Variants in C1QTNF3 observed in about 807,000 individuals in gnomAD.
C1QTNF3 encodes C1q and TNF related 3, also known as complement C1q tumor necrosis factor-related protein 3.
A neutral mutation model predicts 32.6 loss-of-function variants in C1QTNF3; 26 were observed. The observed-to-expected ratio is 0.80, with a 90% CI of 0.58 to 1.11. The LOEUF is 1.11. Ranked by LOEUF, C1QTNF3 falls within the 50% of genes least tolerant of loss-of-function variation. The pLI is 0.00. For synonymous variants in C1QTNF3, 155 were observed against 146.0 expected, an observed-to-expected ratio of 1.06 and a Z score of -0.44; for missense variants, 362 against 398.2, an observed-to-expected ratio of 0.91 and a Z score of 0.77.
chr5:34,169,054 A>ACAG, the C1QTNF3 span: 1 of 152,126 alleles, frequency 6.6e-6, no homozygotes, highest in Non-Finnish European at 1.5e-5. Context: ...ATGAGAAGAT[A>ACAG]CAGTATTTCT....
At chr5:34,126,713 GAATA>G in the C1QTNF3 span, among the ~76,000 whole-genome samples, 417 of 150,524 alleles carry the variant, frequency 2.8e-3, 1 homozygote, top group African/African-American at 9.5e-3. Context: ...AGAGATGAAT[GAATA>G]AAGAAAAGGT....
the C1QTNF3 span, among the ~76,000 whole-genome samples, chr5:34,177,552 T>C: frequency 7.6e-6 from 1 of 131,236 alleles, no homozygotes; most frequent in Admixed American, 8.8e-5. Flanking sequence ...AGTGGCACAA[T>C]CTCGGCTCAC....
chr5:34,223,733 C>G, the C1QTNF3 span, among the ~76,000 whole-genome samples: 1 of 152,204 alleles, frequency 6.6e-6, no homozygotes, highest in African/African-American at 2.4e-5. Flanking sequence ...GAGATGGTAT[C>G]TCATTGTGGT....
chr5:34,107,418 G>A, the C1QTNF3 span, among the ~76,000 whole-genome samples: 1 of 151,320 alleles, frequency 6.6e-6, no homozygotes, highest in South Asian at 2.1e-4. Context: ...AAGCCCCCAT[G>A]ATAACTATCT....
Position 34,033,449 on chromosome 5 carries a change from C to T in C1QTNF3, c.425G>A (p.Gly142Glu), listed in dbSNP as rs1255813346. The T allele has an allele frequency of 6.2e-7, 1 of 1,614,182 alleles. No individual in the cohort carries two copies. Among genetic ancestry groups the T allele is most frequent in the Admixed American group, 1.7e-5 (1 of 60,022 alleles). The change falls in exon 3 of 6, where the codon GGA becomes GAA. Residue 142 changes from glycine to glutamate, a missense_variant. Transcript: ENST00000382065. ...PGPPGIPGNH[G>E]NNGNNGATGH... ...AGTGGCTCCATTGTTGCCATTGTTT[C>T]CATGGTTTCCTTAAACAACCAGACA...
At chr5:34,208,542 C>T in the C1QTNF3 span, among the ~76,000 whole-genome samples, 6 of 151,840 alleles carry the variant, frequency 4.0e-5, no homozygotes, top group South Asian at 1.2e-3. Context: ...AAATGTCCAC[C>T]GGATGGGAAG....
intron 1 of C1QTNF3, among the ~76,000 whole-genome samples, chr5:34,038,718 T>C (rs914908282): frequency 1.3e-5 from 2 of 152,160 alleles, no homozygotes; most frequent in Non-Finnish European, 2.9e-5. Context: ...TTTTTTCTAT[T>C]TCCTGAGGGA....
At chr5:34,206,173 T>A in the C1QTNF3 span, among the ~76,000 whole-genome samples, 1 of 150,054 alleles carries the variant, frequency 6.7e-6, no homozygotes, top group South Asian at 2.1e-4. Flanking sequence ...ATAAAAGAGG[T>A]AAATCTCCTC....
the C1QTNF3 span, among the ~76,000 whole-genome samples, chr5:34,213,777 G>A: frequency 5.7e-4 from 15 of 26,522 alleles, no homozygotes; most frequent in Non-Finnish European, 9.6e-4. Context: ...ACACATACGT[G>A]TATATATACA....
chr5:34,135,343 A>G, the C1QTNF3 span, among the ~76,000 whole-genome samples: 1 of 152,064 alleles, frequency 6.6e-6, no homozygotes. Flanking sequence ...GGATTTTCGC[A>G]TTGATGTTCA....
At chr5:34,108,903 T>TA in the C1QTNF3 span, among the ~76,000 whole-genome samples, 1 of 148,624 alleles carries the variant, frequency 6.7e-6, no homozygotes, top group African/African-American at 2.5e-5. Flanking sequence ...AGTGGCTTCC[T>TA]AAAGATGTTT....
At chr5:34,211,731 T>C in the C1QTNF3 span, among the ~76,000 whole-genome samples, 1 of 152,046 alleles carries the variant, frequency 6.6e-6, no homozygotes, top group Admixed American at 6.6e-5. Context: ...TCATCATTTT[T>C]TATGGCTGCA....
At chr5:34,213,593 T>C in the C1QTNF3 span, among the ~76,000 whole-genome samples, 1 of 150,122 alleles carries the variant, frequency 6.7e-6, no homozygotes, top group African/African-American at 2.5e-5. Flanking sequence ...ACCTGCAAGA[T>C]GCATTAGAAT....
At chr5:34,104,739 C>T in the C1QTNF3 span, among the ~76,000 whole-genome samples, 11 of 137,032 alleles carry the variant, frequency 8.0e-5, no homozygotes, top group Admixed American at 4.5e-4. Context: ...GATTTCACCA[C>T]GTTGCCAGGC....
chr5:34,221,883 C>T, the C1QTNF3 span, among the ~76,000 whole-genome samples: 1 of 151,950 alleles, frequency 6.6e-6, no homozygotes, highest in Non-Finnish European at 1.5e-5. Flanking sequence ...ACCAAGCAGC[C>T]GGTCATTTTT....
the C1QTNF3 span, among the ~76,000 whole-genome samples, chr5:34,123,620 T>C: frequency 2.0e-5 from 2 of 98,006 alleles, no homozygotes; most frequent in African/African-American, 3.4e-5. Context: ...AGAACAGATA[T>C]GCTTTTTTTT....
At chr5:34,045,628 A>G (rs1026959233), upstream of C1QTNF3, among the ~76,000 whole-genome samples, 7 of 152,288 alleles carry the variant, frequency 4.6e-5, no homozygotes, top group African/African-American at 1.7e-4. Flanking sequence ...GTCTTGTGTT[A>G]TGCAGCTGGA....
the C1QTNF3 span, among the ~76,000 whole-genome samples, chr5:34,108,411 T>C: frequency 6.6e-6 from 1 of 152,144 alleles, no homozygotes; most frequent in Non-Finnish European, 1.5e-5. Context: ...GTGCTGAAAA[T>C]CCAAGTCCAC....
chr5:34,146,561 T>C, the C1QTNF3 span, among the ~76,000 whole-genome samples: 30 of 152,186 alleles, frequency 2.0e-4, no homozygotes, highest in Non-Finnish European at 3.4e-4. Context: ...TAATAAGCAA[T>C]TGGGATAGGA....
Sources: gnomAD v4.1 joint callset for allele counts (sites outside exome capture counted in the v4.1 genomes callset) on GRCh38, gnomAD v4.1.1 for gene constraint, MANE v1.5 for transcripts, NCBI Gene and HGNC (gene_info 2026-07-23, HGNC 2026-07-21) for gene names.